The following CTNNB1 variants were observed in gnomAD, a reference collection of about 807,000 sequenced individuals.
CTNNB1 encodes catenin beta 1.
CTNNB1 carries 6 observed loss-of-function variants against 82.5 expected under a neutral mutation model. The observed-to-expected ratio is 0.07, with a 90% CI of 0.04 to 0.14. The LOEUF (loss-of-function observed/expected upper bound fraction) is 0.14. Among genes scored for constraint, CTNNB1 ranks in the 10% least tolerant of loss-of-function variants. The pLI is 1.00. For synonymous variants in CTNNB1, 312 were observed against 329.7 expected, an observed-to-expected ratio of 0.95 and a Z score of 0.58; for missense variants, 529 against 980.4, an observed-to-expected ratio of 0.54 and a Z score of 6.15.
At chr3:41,224,795 G>C (rs2078136279) in intron 3 of CTNNB1, 42 bp downstream of exon 3, 1 of 1,599,856 alleles carries the variant, frequency 6.3e-7, no homozygotes, top group African/African-American at 1.3e-5. Context: ...AAGTCAGAAT[G>C]CAGTTTTGAG....
intron 13 of CTNNB1, chr3:41,237,697 C>CTTTTTTTT (rs548643863): frequency 1.4e-5 from 2 of 139,402 alleles, no homozygotes; most frequent in Non-Finnish European, 2.9e-5. Context: ...GGCATTTTGC[C>CTTTTTTTT]TTTTTTTTTT....
rs1207330730 is a variant in CTNNB1 at position 41,239,986 on chromosome 3, C to CTT, written c.*668_*669dup. On this transcript the variant is annotated 3_prime_UTR_variant, in exon 15 of 15. Transcript: ENST00000349496. Reference sequence around the variant, plus strand: ...TGACTTTGCTTGCTTTGAAGTAGCTCTTTTTTTTTTTTTTTTTTTTTTTTT... The same window carrying CTT: ...TGACTTTGCTTGCTTTGAAGTAGCTCTTTTTTTTTTTTTTTTTTTTTTTTTTT... 3,624 of 32,088 alleles carry CTT rather than the reference C, an allele frequency of 0.11. 370 individuals are homozygous for CTT. Among genetic ancestry groups the CTT allele is most frequent in the Non-Finnish European group, 0.16 (2,403 of 15,432 alleles). The allele number at this position is 32,088 out of a possible 1,614,324, so 2.0% of individuals were successfully genotyped here. A position where few individuals can be genotyped will look rare whatever the true frequency, so the allele number is the denominator to read the frequency against.
chr3:41,226,172 C>A (rs1232481078), intron 6 of CTNNB1, among the ~76,000 whole-genome samples: 3 of 152,170 alleles, frequency 2.0e-5, no homozygotes, highest in Non-Finnish European at 2.9e-5. Context: ...CCAGGTAATG[C>A]TCGCTCACCT....
At chr3:41,202,105 G>A (rs2077544865) in intron 1 of CTNNB1, among the ~76,000 whole-genome samples, 1 of 152,184 alleles carries the variant, frequency 6.6e-6, no homozygotes, top group African/African-American at 2.4e-5. Context: ...TAATTATTTT[G>A]TAGTTATAAG....
rs34653633 is a variant in CTNNB1 at position 41,239,921 on chromosome 3, ATT to A, written c.*597_*598del. On this transcript the variant is annotated 3_prime_UTR_variant, in exon 15 of 15. Coordinates refer to ENST00000349496, the MANE Select transcript of CTNNB1 (RefSeq NM_001904.4). Reference sequence around the variant, plus strand: ...ATCAAACCCTAGCCTTGCTTGTTAAATTTTTTTTTTTTTTTTTTTAAGAATAT... The same window carrying A: ...ATCAAACCCTAGCCTTGCTTGTTAAATTTTTTTTTTTTTTTTTAAGAATAT... 6.1e-4 allele frequency: 96 copies of A among 158,552 alleles called. No homozygotes were observed. The highest frequency in any genetic ancestry group is 2.3e-3 in the Middle Eastern group (1 of 436). 9.8% of individuals were successfully genotyped at this position (158,552 alleles called of 1,614,324 possible). A position where few individuals can be genotyped will look rare whatever the true frequency, so the allele number is the denominator to read the frequency against.
intron 1 of CTNNB1, among the ~76,000 whole-genome samples, chr3:41,218,833 A>G (rs58971284): frequency 0.025 from 3,749 of 152,334 alleles, 168 homozygotes; most frequent in African/African-American, 0.086. Context: ...TTGGGATTAC[A>G]GGTGTGAGCC....
In CTNNB1 at chr3:41,234,225, T is replaced by A; in HGVS notation, c.1611T>A (p.Val537=). The A allele has an allele frequency of 6.2e-7, 1 of 1,614,156 alleles. No individual in the cohort carries two copies. The highest frequency in any genetic ancestry group is 8.5e-7 in the Non-Finnish European group (1 of 1,180,026). Residue 537 remains valine, a synonymous_variant, in exon 10 of 15, where the codon GTT becomes GTA. Coordinates refer to ENST00000349496, the MANE Select transcript of CTNNB1 (RefSeq NM_001904.4). ...AGCAGGGTGCCATTCCACGACTAGTTCAGTTGCTTGTTCGTGCACATCAGG... is the reference window on the plus strand; with the variant it reads ...AGCAGGGTGCCATTCCACGACTAGTACAGTTGCTTGTTCGTGCACATCAGG... ...LREQGAIPRL[V]QLLVRAHQDT...
chr3:41,206,064 A>G (rs968346135), intron 1 of CTNNB1, among the ~76,000 whole-genome samples: 12 of 152,188 alleles, frequency 7.9e-5, no homozygotes, highest in African/African-American at 1.7e-4. Flanking sequence ...AAACTGCTTC[A>G]TAACACTTCC....
intron 14 of CTNNB1, among the ~76,000 whole-genome samples, chr3:41,238,717 C>T (rs1432745264): frequency 1.3e-5 from 2 of 152,182 alleles, no homozygotes; most frequent in Non-Finnish European, 1.5e-5. Context: ...GCCTTTTTGT[C>T]AAGATAGATT....
At chr3:41,208,958 C>A (rs2077714053) in intron 1 of CTNNB1, among the ~76,000 whole-genome samples, 1 of 152,188 alleles carries the variant, frequency 6.6e-6, no homozygotes, top group African/African-American at 2.4e-5. Flanking sequence ...TGAAAAATTG[C>A]TTTATGTACT....
chr3:41,227,200 C>A lies in CTNNB1; in HGVS notation c.937-8C>A, dbSNP rs1462094525. ...TGACTAACAAGATATATATATATAT[C>A]TTTCTAGCTCATCATACTGGCTAGT... On this transcript the variant is annotated splice_region_variant and splice_polypyrimidine_tract_variant and intron_variant, in intron 6 of 14. Transcript: ENST00000349496. 1.3e-6 allele frequency: 2 copies of A among 1,599,406 alleles called. No individual in the cohort carries two copies. Among genetic ancestry groups the A allele is most frequent in the Non-Finnish European group, 1.7e-6 (2 of 1,167,262 alleles).
intron 7 of CTNNB1, among the ~76,000 whole-genome samples, chr3:41,228,510 T>C (rs2078231788): frequency 6.6e-6 from 1 of 152,212 alleles, no homozygotes; most frequent in African/African-American, 2.4e-5. Flanking sequence ...TGGCCACTTG[T>C]ATGTCTTCTT....
At position 41,225,127 on chromosome 3, in the gene CTNNB1, T is replaced by C. The variant is rs1358192982; in HGVS notation, c.415T>C (p.Leu139=). The C allele has an allele frequency of 2.5e-6, 4 of 1,613,970 alleles. No homozygotes were observed. The highest frequency in any genetic ancestry group is 2.7e-5 in the African/African-American group (2 of 74,928). The part of the protein sequence containing the change: ...SQMLKHAVVN[L]INYQDDAELA... The stretch of plus-strand genomic sequence containing the variant: ...GATGCTGAAACATGCAGTTGTAAAC[T>C]TGATTAACTATCAAGATGATGCAGA... The change falls in exon 4 of 15, where the codon TTG becomes CTG. Residue 139 remains leucine (L), a synonymous_variant. Coordinates refer to ENST00000349496, the MANE Select transcript of CTNNB1 (RefSeq NM_001904.4). This position sits in a 1 kb window ranked among gnomAD's most constrained non-coding sequence, Gnocchi z 5.3.
In CTNNB1 at chr3:41,239,940, T is replaced by A. The variant is rs1158776375; in HGVS notation, c.*598T>A. Reference sequence around the variant, plus strand: ...TGTTAAATTTTTTTTTTTTTTTTTTTAAGAATATCTGTAATGGTACTGACT... The same window carrying A: ...TGTTAAATTTTTTTTTTTTTTTTTTAAAGAATATCTGTAATGGTACTGACT... On this transcript the variant is annotated 3_prime_UTR_variant, in exon 15 of 15. Coordinates refer to ENST00000349496, the MANE Select transcript of CTNNB1 (RefSeq NM_001904.4). 2.1e-4 allele frequency: 39 copies of A among 188,114 alleles called. No homozygotes were observed. Among genetic ancestry groups the A allele is most frequent in the Non-Finnish European group, 3.9e-4 (35 of 90,698 alleles). 11.7% of individuals were successfully genotyped at this position (188,114 alleles called of 1,614,324 possible).
intron 1 of CTNNB1, among the ~76,000 whole-genome samples, chr3:41,218,417 C>G (rs1179204180): frequency 1.3e-5 from 2 of 152,100 alleles, no homozygotes; most frequent in South Asian, 4.1e-4. Context: ...AAATCAAGAA[C>G]AAGACATATC....
intron 6 of CTNNB1, among the ~76,000 whole-genome samples, chr3:41,226,759 T>C (rs966716767): frequency 2.0e-5 from 3 of 152,182 alleles, no homozygotes; most frequent in Non-Finnish European, 4.4e-5. Context: ...CAAGCATGAA[T>C]GATCATTTTA....
chr3:41,233,041 T>C (rs1322369170), intron 7 of CTNNB1, among the ~76,000 whole-genome samples: 1 of 152,130 alleles, frequency 6.6e-6, no homozygotes, highest in Non-Finnish European at 1.5e-5. Context: ...AATGATTGAA[T>C]GGATGAAAAG....
chr3:41,235,067 C>G (rs1031665698), intron 10 of CTNNB1: 4 of 153,892 alleles, frequency 2.6e-5, no homozygotes, highest in Admixed American at 6.4e-5. Context: ...TATTTTAAAT[C>G]TCTTTTCTAG....
In CTNNB1 at chr3:41,220,223, T is replaced by A. The variant is rs139993928; in HGVS notation, c.-48-3798T>A. Among the ~76,000 whole-genome samples the A allele has an allele frequency of 3.9e-5, 6 of 152,264 alleles. No individual in the cohort carries two copies. In the East Asian group the frequency reaches 1.2e-3, roughly 29 times the overall value. Reference sequence around the variant, plus strand: ...TTTTTTTTTCCATTTACCTTCTGTTTCCTACCTGAGAAGATTTCATACTTC... The same window carrying A: ...TTTTTTTTTCCATTTACCTTCTGTTACCTACCTGAGAAGATTTCATACTTC... On this transcript the variant is annotated intron_variant, in intron 1 of 14. Coordinates refer to ENST00000349496, the MANE Select transcript of CTNNB1 (RefSeq NM_001904.4).
Sources: allele counts gnomAD v4.1 joint callset (sites outside exome capture counted in the v4.1 genomes callset), GRCh38; gene constraint gnomAD v4.1.1; non-coding constraint Gnocchi (gnomAD v3.1); transcripts MANE v1.5; gene names NCBI Gene and HGNC (gene_info 2026-07-23, HGNC 2026-07-21).